TNS3: variants seen among roughly 807,000 people sequenced by gnomAD.
TNS3 encodes the protein tensin-3.
TNS3 carries 45 observed loss-of-function variants against 140.9 expected under a neutral mutation model. The observed-to-expected ratio is 0.32, with a 90% CI of 0.25 to 0.41. The LOEUF is 0.41. Ranked by LOEUF, TNS3 falls within the 10% of genes least tolerant of loss-of-function variation. The probability of loss-of-function intolerance (pLI) is 1.00; values close to 1 mark genes in which losing one functional copy is unlikely to be tolerated. For synonymous variants in TNS3, 815 were observed against 788.4 expected (o/e 1.03, Z -0.56); for missense variants, 1,716 against 1,906.7 (o/e 0.90, Z 1.86).
intron 16 of TNS3, among the ~76,000 whole-genome samples, chr7:47,389,063 GAAGAAGAAGAAGAAGAA>G (rs1792294941): frequency 2.7e-5 from 2 of 73,364 alleles, no homozygotes; most frequent in African/African-American, 1.3e-4. Context: ...AGAAGAAGAA[GAAGAAGAAGAAGAAGAA>G]GAAGAGGAAG....
chr7:47,437,199 T>C lies in TNS3; in HGVS notation c.201+64A>G. 7 of 1,158,050 alleles carry C rather than the reference T, an allele frequency of 6.0e-6. 1 individual carries two copies. In the South Asian group the frequency reaches 8.7e-5, roughly 14 times the overall value. The allele number at this position is 1,158,050 out of a possible 1,614,324, so 71.7% of individuals were successfully genotyped here. The stretch of plus-strand genomic sequence containing the variant: ...CACAAAGACTAGTAGCAAATTATTT[T>C]TGCACAAAATAAGCATTGTTTACAT... On this transcript the variant is annotated intron_variant, in intron 7 of 30. Coordinates refer to ENST00000311160, the MANE Select transcript of TNS3 (RefSeq NM_022748.12).
chr7:47,377,834 A>C (rs897141651), intron 16 of TNS3, among the ~76,000 whole-genome samples: 6 of 135,006 alleles, frequency 4.4e-5, no homozygotes, highest in Admixed American at 1.7e-4. Flanking sequence ...CCTCTTCCTA[A>C]ATTCCATGAG....
rs185401005 is a variant in TNS3 at position 47,299,723 on chromosome 7, G to T, written c.3544+2463C>A. Among the ~76,000 whole-genome samples the T allele has an allele frequency of 2.4e-4, 36 of 152,320 alleles. 1 individual carries two copies. In the East Asian group the frequency reaches 6.4e-3, roughly 27 times the overall value. ...TCTCCTGCACAGGCAATGGGAGTAAGAGGAGAATTTTAGACCCGCTGTTTT... is the reference window on the plus strand; with the variant it reads ...TCTCCTGCACAGGCAATGGGAGTAATAGGAGAATTTTAGACCCGCTGTTTT... On this transcript the variant is annotated intron_variant, in intron 23 of 30. Coordinates refer to ENST00000311160, the MANE Select transcript of TNS3 (RefSeq NM_022748.12).
intron 20 of TNS3, among the ~76,000 whole-genome samples, chr7:47,314,961 C>A (rs895450974): frequency 1.2e-4 from 19 of 152,322 alleles, no homozygotes; most frequent in African/African-American, 4.6e-4. Context: ...CCGGTGCAGG[C>A]CAACTTCTAC....
intron 16 of TNS3, among the ~76,000 whole-genome samples, chr7:47,382,375 G>T (rs1165390849): frequency 1.3e-5 from 2 of 152,194 alleles, no homozygotes; most frequent in African/African-American, 2.4e-5. Flanking sequence ...TCTTGTTTAC[G>T]TAGCTGGCAG....
At chr7:47,416,955 G>A (rs1233108338) in intron 10 of TNS3, among the ~76,000 whole-genome samples, 1 of 152,150 alleles carries the variant, frequency 6.6e-6, no homozygotes, top group South Asian at 2.1e-4. Flanking sequence ...TCCTCAGCTC[G>A]TCCAGTTTGT....
intron 16 of TNS3, among the ~76,000 whole-genome samples, chr7:47,386,323 C>T (rs138692459): frequency 5.7e-4 from 87 of 152,352 alleles, no homozygotes; most frequent in African/African-American, 2.1e-3. Flanking sequence ...TTGCTGGGGA[C>T]GCCCTCCTCC....
intron 4 of TNS3, among the ~76,000 whole-genome samples, chr7:47,445,288 G>T (rs1158556604): frequency 6.6e-6 from 1 of 152,158 alleles, no homozygotes; most frequent in African/African-American, 2.4e-5. Flanking sequence ...CAACCCTGAA[G>T]AGCATTGCAC....
At chr7:47,309,169 C>T (rs1256271217) in intron 20 of TNS3, among the ~76,000 whole-genome samples, 2 of 152,188 alleles carry the variant, frequency 1.3e-5, no homozygotes, top group Non-Finnish European at 2.9e-5. Context: ...GGCTTGGAAG[C>T]CATTATTTCA....
intron 8 of TNS3, among the ~76,000 whole-genome samples, chr7:47,434,998 CG>C (rs1163423457): frequency 6.6e-6 from 1 of 152,190 alleles, no homozygotes; most frequent in African/African-American, 2.4e-5. Flanking sequence ...AAAAATGAAA[CG>C]ATTTGCTCTC....
chr7:47,410,312 G>A (rs901828211), intron 13 of TNS3, among the ~76,000 whole-genome samples: 2 of 152,212 alleles, frequency 1.3e-5, no homozygotes, highest in Non-Finnish European at 2.9e-5. Context: ...CTGAGGAAAC[G>A]GGCCTATAAA....
At chr7:47,328,337 G>A (rs1300955096) in intron 20 of TNS3, among the ~76,000 whole-genome samples, 1 of 152,208 alleles carries the variant, frequency 6.6e-6, no homozygotes, top group East Asian at 1.9e-4. Flanking sequence ...CACTGCTGCG[G>A]TTTGCTTCCT....
chr7:47,305,138 A>C (rs1786670721), intron 20 of TNS3, 135 bp from the exon 21 acceptor site: 1 of 618,418 alleles, frequency 1.6e-6, no homozygotes, highest in Non-Finnish European at 2.4e-6. Flanking sequence ...CATACTGAAC[A>C]TGACATCACT....
chr7:47,525,314 C>T (rs574404081), intron 2 of TNS3, among the ~76,000 whole-genome samples: 1 of 152,266 alleles, frequency 6.6e-6, no homozygotes, highest in African/African-American at 2.4e-5. Context: ...GTAGATGGGC[C>T]ACGGGGCCAC....
chr7:47,362,733 ACAT>A (rs1790407568), intron 17 of TNS3, among the ~76,000 whole-genome samples: 1 of 150,418 alleles, frequency 6.6e-6, no homozygotes, highest in Non-Finnish European at 1.5e-5. Flanking sequence ...ACCACCATAA[ACAT>A]CATCACTATC....
At chr7:47,550,033 C>T (rs1180956637) in intron 1 of TNS3, among the ~76,000 whole-genome samples, 3 of 141,784 alleles carry the variant, frequency 2.1e-5, no homozygotes, top group Non-Finnish European at 4.6e-5. Flanking sequence ...TCCCACCCAT[C>T]CCCACTCAGC....
intron 20 of TNS3, among the ~76,000 whole-genome samples, chr7:47,338,989 C>T (rs1788789583): frequency 6.6e-6 from 1 of 152,156 alleles, no homozygotes; most frequent in Admixed American, 6.5e-5. Context: ...TTCTCTGCAG[C>T]TTTGCCAGCA....
At chr7:47,491,471 G>A (rs1235143902) in intron 3 of TNS3, among the ~76,000 whole-genome samples, 1 of 152,092 alleles carries the variant, frequency 6.6e-6, no homozygotes. Context: ...TGAACCTCAA[G>A]CTCATAGGAA....
At chr7:47,579,457 G>GAGCCTC (rs1784479193) in intron 1 of TNS3, 5 of 152,202 alleles carry the variant, frequency 3.3e-5, no homozygotes, top group African/African-American at 9.7e-5. Flanking sequence ...GCCGCTGTGA[G>GAGCCTC]GAAGCCTCGA....
Sources: gnomAD v4.1 joint callset for allele counts (sites outside exome capture counted in the v4.1 genomes callset) on GRCh38, gnomAD v4.1.1 for gene constraint, MANE v1.5 for transcripts, NCBI Gene and HGNC (gene_info 2026-07-23, HGNC 2026-07-21) for gene names.